Variants in BDKRB2 observed in about 807,000 individuals in gnomAD.
The protein encoded by BDKRB2 is B2 bradykinin receptor.
In BDKRB2, 6 loss-of-function variants were observed where a neutral mutation model predicts 4.0. The ratio of observed to expected loss-of-function variants is 1.49; its 90% CI spans 0.81 to 2.93. BDKRB2 has a LOEUF of 2.93. Among genes scored for constraint, BDKRB2 ranks in the 30% most tolerant of loss-of-function variants. The probability of loss-of-function intolerance (pLI) is 0.00; values close to 1 mark genes in which losing one functional copy is unlikely to be tolerated. For synonymous variants in BDKRB2, 225 were observed against 215.3 expected (o/e 1.05, Z -0.40); for missense variants, 478 against 520.1 (o/e 0.92, Z 0.79).
intron 1 of BDKRB2, among the ~76,000 whole-genome samples, chr14:96,227,678 C>T (rs1284139898): frequency 1.4e-5 from 2 of 145,020 alleles, no homozygotes; most frequent in Non-Finnish European, 3.0e-5. Flanking sequence ...CACACGTGTG[C>T]ACACAAACAC....
At chr14:96,224,651 T>C (rs1890653543) in intron 1 of BDKRB2, among the ~76,000 whole-genome samples, 1 of 152,202 alleles carries the variant, frequency 6.6e-6, no homozygotes, top group Non-Finnish European at 1.5e-5. Flanking sequence ...AGGCATGACC[T>C]GAATGTTCTT....
intron 1 of BDKRB2, among the ~76,000 whole-genome samples, chr14:96,226,094 T>G (rs1019261512): frequency 6.6e-6 from 1 of 152,240 alleles, no homozygotes; most frequent in Non-Finnish European, 1.5e-5. Context: ...CCTTCCTTTC[T>G]ATGTGGTTTT....
At chr14:96,205,692 T>C (rs1233135852) in intron 1 of BDKRB2, among the ~76,000 whole-genome samples, 4 of 152,196 alleles carry the variant, frequency 2.6e-5, no homozygotes, top group African/African-American at 7.2e-5. Flanking sequence ...GGTGACGTTT[T>C]TGGGCGAGTT....
intron 1 of BDKRB2, among the ~76,000 whole-genome samples, chr14:96,220,261 G>A (rs1249270718): frequency 1.3e-5 from 2 of 151,768 alleles, no homozygotes; most frequent in Non-Finnish European, 2.9e-5. Flanking sequence ...GAAATGCCGG[G>A]GGTATTTATT....
At chr14:96,227,662 CACAA>C (rs1440405966) in intron 1 of BDKRB2, among the ~76,000 whole-genome samples, 2 of 150,782 alleles carry the variant, frequency 1.3e-5, no homozygotes, top group Admixed American at 1.3e-4. Context: ...CACACATGTG[CACAA>C]ACACACGTGT....
chr14:96,233,168 G>A (rs1222815682), intron 1 of BDKRB2, among the ~76,000 whole-genome samples: 1 of 152,114 alleles, frequency 6.6e-6, no homozygotes, highest in Admixed American at 6.5e-5. Flanking sequence ...TTAGGACCAG[G>A]ACTACAGGTG....
At chr14:96,214,455 C>A (rs1225337853) in intron 1 of BDKRB2, among the ~76,000 whole-genome samples, 1 of 152,226 alleles carries the variant, frequency 6.6e-6, no homozygotes, top group Non-Finnish European at 1.5e-5. Flanking sequence ...GGGGACAATG[C>A]TCCTTATCCC....
At chr14:96,224,107 A>G (rs1023286483) in intron 1 of BDKRB2, among the ~76,000 whole-genome samples, 9 of 152,230 alleles carry the variant, frequency 5.9e-5, no homozygotes, top group East Asian at 3.8e-4. Flanking sequence ...TACAGATGAA[A>G]TGACAGACAT....
At chr14:96,220,179 G>A (rs12895897) in intron 1 of BDKRB2, among the ~76,000 whole-genome samples, 43,996 of 151,898 alleles carry the variant, frequency 0.29, 7,091 homozygotes, top group Non-Finnish European at 0.37. Context: ...GGGCAGAGCA[G>A]CAGGAGCCCA....
intron 2 of BDKRB2, chr14:96,239,361 G>A (rs2069584): frequency 1.5e-4 from 150 of 985,074 alleles, no homozygotes; most frequent in Non-Finnish European, 1.7e-4. Context: ...CAAGCATTTT[G>A]CCCAAGACCA....
chr14:96,237,129 T>C lies in BDKRB2; in HGVS notation c.22T>C (p.Ser8Pro), dbSNP rs2139796272. Reference sequence around the variant, plus strand: ...CCAAATGTTCTCTCCCTGGAAGATATCAATGTTTCTGTCTGTTCGTGAGGA... The same window carrying C: ...CCAAATGTTCTCTCCCTGGAAGATACCAATGTTTCTGTCTGTTCGTGAGGA... MFSPWKI[S>P]MFLSVREDSV... The change falls in exon 2 of 3, where the codon TCA becomes CCA. Residue 8 changes from serine (S) to proline (P), a missense_variant. Physicochemically the swap from Ser to Pro is moderately conservative, Grantham distance 74. Coordinates refer to ENST00000554311, the MANE Select transcript of BDKRB2 (RefSeq NM_001379692.1). 3 of 1,614,076 alleles carry C rather than the reference T, an allele frequency of 1.9e-6. No homozygotes were observed. The highest frequency in any genetic ancestry group is 2.5e-6 in the Non-Finnish European group (3 of 1,179,912).
chr14:96,211,798 A>G (rs1229653101), intron 1 of BDKRB2, among the ~76,000 whole-genome samples: 1 of 152,226 alleles, frequency 6.6e-6, no homozygotes, highest in East Asian at 1.9e-4. Context: ...AGCTATAAAT[A>G]GTAGTAGAAT....
At chr14:96,238,177 G>C in intron 2 of BDKRB2, 1 of 869,810 alleles carries the variant, frequency 1.1e-6, no homozygotes, top group Non-Finnish European at 1.4e-6. Context: ...AGGAAACCAG[G>C]AGCCACCAAA....
intron 1 of BDKRB2, among the ~76,000 whole-genome samples, chr14:96,209,927 C>G (rs973270656): frequency 6.6e-6 from 1 of 152,028 alleles, no homozygotes; most frequent in African/African-American, 2.4e-5. Flanking sequence ...ACTCAGGAGG[C>G]AGAGGTTGCA....
intron 2 of BDKRB2, chr14:96,239,559 G>C (rs932859667): frequency 3.0e-6 from 3 of 985,400 alleles, no homozygotes; most frequent in Non-Finnish European, 3.6e-6. Flanking sequence ...TTTACCACTG[G>C]TTATTTTAAT....
intron 1 of BDKRB2, among the ~76,000 whole-genome samples, chr14:96,222,214 G>T (rs374960344): frequency 1.3e-5 from 2 of 152,114 alleles, no homozygotes; most frequent in Admixed American, 1.3e-4. Context: ...AGACCCACAC[G>T]TGGGGCAGGG....
chr14:96,237,032 C>A (rs2081495462), intron 1 of BDKRB2, 37 bp from the exon 2 acceptor site: 1 of 1,249,328 alleles, frequency 8.0e-7, no homozygotes, highest in Non-Finnish European at 1.2e-6. Context: ...AATCCCCAGC[C>A]CCTGTGCCAT....
At position 96,241,763 on chromosome 14, in the gene BDKRB2, G is replaced by A; in HGVS notation, c.*259G>A. On this transcript the variant is annotated 3_prime_UTR_variant, in exon 3 of 3. Coordinates refer to ENST00000554311, the MANE Select transcript of BDKRB2 (RefSeq NM_001379692.1). ...ACTGTTCTTATTTGCTGCCACACCT[G>A]AGCCAGCCTGCTCCTTCCCAGGAGT... 5.2e-6 allele frequency: 2 copies of A among 383,920 alleles called. No homozygotes were observed. Among genetic ancestry groups the A allele is most frequent in the Non-Finnish European group, 8.7e-6 (2 of 229,832 alleles). The allele number at this position is 383,920 out of a possible 1,614,324, so 23.8% of individuals were successfully genotyped here.
chr14:96,230,010 T>C (rs1321021305), intron 1 of BDKRB2, among the ~76,000 whole-genome samples: 1 of 151,466 alleles, frequency 6.6e-6, no homozygotes, highest in African/African-American at 2.4e-5. Flanking sequence ...GGCGGGCGCC[T>C]GTAGTACCAA....
Sources: gnomAD v4.1 joint callset for allele counts (sites outside exome capture counted in the v4.1 genomes callset) on GRCh38, gnomAD v4.1.1 for gene constraint, MANE v1.5 for transcripts, NCBI Gene and HGNC (gene_info 2026-07-23, HGNC 2026-07-21) for gene names.